Variants in EFCAB5 observed in about 807,000 individuals in gnomAD.
EFCAB5 encodes EF-hand calcium-binding domain-containing protein 5.
Under a neutral mutation model 167.9 loss-of-function variants are expected in EFCAB5, and 131 were observed. That is an observed-to-expected ratio of 0.78 (90% CI 0.68 to 0.90). EFCAB5 has a LOEUF of 0.90. Ranked by LOEUF, EFCAB5 falls within the 40% of genes least tolerant of loss-of-function variation. EFCAB5 has a pLI of 0.00. For synonymous variants in EFCAB5, 574 were observed against 602.8 expected, an observed-to-expected ratio of 0.95 and a Z score of 0.70; for missense variants, 1,663 against 1,745.2, an observed-to-expected ratio of 0.95 and a Z score of 0.84.
At chr17:29,952,085 T>C (rs1032759605) in intron 3 of EFCAB5, among the ~76,000 whole-genome samples, 1 of 152,206 alleles carries the variant, frequency 6.6e-6, no homozygotes, top group Non-Finnish European at 1.5e-5. Flanking sequence ...GCAAGTTTCA[T>C]GTCTGGTAAG....
chr17:29,994,101 C>T (rs1333881734), intron 5 of EFCAB5, among the ~76,000 whole-genome samples: 2 of 134,280 alleles, frequency 1.5e-5, no homozygotes, highest in African/African-American at 5.5e-5. Context: ...GGGACTACGT[C>T]TCTTAAAAAC....
At chr17:29,971,234 A>G (rs1464719111) in intron 4 of EFCAB5, among the ~76,000 whole-genome samples, 4 of 152,090 alleles carry the variant, frequency 2.6e-5, no homozygotes, top group African/African-American at 9.7e-5. Context: ...ACTAATTTCT[A>G]TATATTTTTG....
chr17:30,030,799 G>A (rs1004408031), intron 7 of EFCAB5, among the ~76,000 whole-genome samples: 1 of 151,856 alleles, frequency 6.6e-6, no homozygotes, highest in Non-Finnish European at 1.5e-5. Context: ...GACTACAAGC[G>A]TGCACCACCA....
In EFCAB5 at chr17:30,091,934, A is replaced by C. The variant is rs1463808728; in HGVS notation, c.4001A>C (p.Glu1334Ala). The C allele has an allele frequency of 6.2e-7, 1 of 1,613,910 alleles. No homozygotes were observed. Among genetic ancestry groups the C allele is most frequent in the Non-Finnish European group, 8.5e-7 (1 of 1,179,902 alleles). ...GILFFRIMLL[E>A]LQESIQLLNS... is the part of the protein sequence containing the mutation. The stretch of plus-strand genomic sequence containing the variant: ...CTCTTCTTCCGAATCATGCTGCTCG[A>C]GCTACAGGAAAGCATCCAACTACTC... The change falls in exon 21 of 23, where the codon GAG (glutamate) becomes GCG (alanine). Residue 1334 changes from glutamate (E) to alanine (A), a missense_variant. Coordinates refer to ENST00000394835, the MANE Select transcript of EFCAB5 (RefSeq NM_198529.4).
chr17:29,984,180 A>G, intron 4 of EFCAB5, among the ~76,000 whole-genome samples: 1 of 151,962 alleles, frequency 6.6e-6, no homozygotes, highest in Non-Finnish European at 1.5e-5. Context: ...TGAAAAACAC[A>G]GATACAGAAG....
rs116729734 is a variant in EFCAB5 at position 30,056,298 on chromosome 17, G to A, written c.2365+142G>A. The A allele has an allele frequency of 1.8e-3, 1,339 of 734,630 alleles. 11 individuals carry two copies. In the African/African-American group the frequency reaches 0.022, roughly 12 times the overall value. 45.5% of individuals were successfully genotyped at this position (734,630 alleles called of 1,614,324 possible). ...TGCATTATTTTGTCCTTGAGCTGGT[G>A]AATCTAAATATATACCAGATAGATA... On this transcript the variant is annotated intron_variant, in intron 12 of 22. Transcript: ENST00000394835.
Position 30,051,798 on chromosome 17 carries a change from T to C in EFCAB5, c.1300+581T>C, listed in dbSNP as rs529274348. On this transcript the variant is annotated intron_variant, in intron 9 of 22. Transcript: ENST00000394835. ...AGTCTCAAATGCCTGGGTGCTGGGA[T>C]TGTAGGTGTAAGCCACCGTACCCAG... Among the ~76,000 whole-genome samples the C allele has an allele frequency of 3.0e-3, 459 of 152,242 alleles. 2 individuals are homozygous for C. The highest frequency in any genetic ancestry group is 5.1e-3 in the Non-Finnish European group (344 of 68,006).
At chr17:29,943,713 C>G in intron 3 of EFCAB5, 64 bp downstream of exon 3, 2 of 1,430,692 alleles carry the variant, frequency 1.4e-6, no homozygotes, top group South Asian at 2.5e-5. Context: ...GTGGCTCATG[C>G]CTGTAATTCC....
At chr17:30,103,788 G>A (rs1824008685) in intron 22 of EFCAB5, among the ~76,000 whole-genome samples, 1 of 152,164 alleles carries the variant, frequency 6.6e-6, no homozygotes, top group South Asian at 2.1e-4. Context: ...GCCAAGGCAC[G>A]TGGATCACCT....
At chr17:30,063,411 T>A (rs954160700) in intron 14 of EFCAB5, among the ~76,000 whole-genome samples, 6 of 152,142 alleles carry the variant, frequency 3.9e-5, no homozygotes, top group African/African-American at 1.2e-4. Flanking sequence ...ATTGCAACCA[T>A]ATCGTCCTCC....
chr17:30,008,783 C>T (rs918649929), intron 7 of EFCAB5, among the ~76,000 whole-genome samples: 1 of 152,062 alleles, frequency 6.6e-6, no homozygotes, highest in African/African-American at 2.4e-5. Flanking sequence ...AATTTACAAA[C>T]TGCATTTATT....
chr17:30,001,766 TA>T (rs1381768437), intron 7 of EFCAB5, among the ~76,000 whole-genome samples: 2 of 152,240 alleles, frequency 1.3e-5, no homozygotes, highest in African/African-American at 2.4e-5. Context: ...GTTAACACTA[TA>T]TTTTTTTGTG....
At chr17:30,073,106 A>C (rs1026309790) in intron 14 of EFCAB5, 1 of 686,138 alleles carries the variant, frequency 1.5e-6, no homozygotes, top group Non-Finnish European at 2.6e-6. Flanking sequence ...GCCAGGCTGG[A>C]GTGCAGTGGC....
rs1294892359 is a variant in EFCAB5, at chr17:30,053,882, T to C, written c.1928T>C (p.Val643Ala). 2 of 1,614,014 alleles carry C rather than the reference T, an allele frequency of 1.2e-6. No individual in the cohort carries two copies. Among genetic ancestry groups the C allele is most frequent in the Non-Finnish European group, 1.7e-6 (2 of 1,179,900 alleles). Residue 643 changes from valine to alanine, a missense_variant, in exon 10 of 23, where the codon GTA becomes GCA. Val to Ala is a moderately conservative substitution (Grantham distance 64). Transcript: ENST00000394835. ...GAACAGGGATCACTCAGAGAGTCAG[T>C]AATAGAAGAACCATACCAAAAATCA... ...AAEQGSLRESVIEEPYQKSEQ... is the reference protein window; with the variant it reads ...AAEQGSLRESAIEEPYQKSEQ...
intron 4 of EFCAB5, among the ~76,000 whole-genome samples, chr17:29,987,777 C>T (rs1248386292): frequency 6.6e-6 from 1 of 152,062 alleles, no homozygotes; most frequent in African/African-American, 2.4e-5. Flanking sequence ...TATACTGGGG[C>T]ATTGTCTGTT....
At chr17:30,025,377 T>G (rs1033207957) in intron 7 of EFCAB5, among the ~76,000 whole-genome samples, 1 of 152,156 alleles carries the variant, frequency 6.6e-6, no homozygotes, top group Non-Finnish European at 1.5e-5. Context: ...CAGACACTTC[T>G]CAAAAGAAGA....
At chr17:30,054,830 C>T (rs1459961269) in intron 10 of EFCAB5, among the ~76,000 whole-genome samples, 2 of 152,144 alleles carry the variant, frequency 1.3e-5, no homozygotes, top group East Asian at 3.9e-4. Flanking sequence ...TCTATGTTAC[C>T]TTCTCATTAG....
chr17:30,056,167 A>G lies in EFCAB5; in HGVS notation c.2365+11A>G. The stretch of plus-strand genomic sequence containing the variant: ...ACTCCAGGTTCACAGGTACATGTTA[A>G]CAATGAAAGTAGGAATAGATGGCAG... On this transcript the variant is annotated intron_variant, in intron 12 of 22. Transcript: ENST00000394835. 1 of 1,598,954 alleles carries G rather than the reference A, an allele frequency of 6.3e-7. No individual in the cohort carries two copies. The highest frequency in any genetic ancestry group is 8.5e-7 in the Non-Finnish European group (1 of 1,171,480).
intron 4 of EFCAB5, among the ~76,000 whole-genome samples, chr17:29,976,431 T>C (rs2068064755): frequency 1.3e-5 from 2 of 152,196 alleles, no homozygotes; most frequent in South Asian, 4.1e-4. Context: ...CTTCATCTTT[T>C]TCTGGCAGAA....
Sources: allele counts gnomAD v4.1 joint callset (sites outside exome capture counted in the v4.1 genomes callset), GRCh38; gene constraint gnomAD v4.1.1; transcripts MANE v1.5; gene names NCBI Gene and HGNC (gene_info 2026-07-23, HGNC 2026-07-21).